RFPL1: variants seen among roughly 807,000 people sequenced by gnomAD.
The protein encoded by RFPL1 is ret finger protein like 1.
Under a neutral mutation model 9.6 loss-of-function variants are expected in RFPL1, and 6 were observed. The ratio of observed to expected loss-of-function variants is 0.62; its 90% confidence interval spans 0.34 to 1.23. The LOEUF (loss-of-function observed/expected upper bound fraction) is 1.23, where lower values mean the gene tolerates loss of function less well. RFPL1 is among the 50% of genes most tolerant of loss of function. RFPL1 has a pLI of 0.03. For missense variants in RFPL1, 352 were observed against 398.4 expected (o/e 0.88, Z 0.99); for synonymous variants, 145 against 149.4 (o/e 0.97, Z 0.22).
At chr22:29,391,755 C>A in the RFPL1 span, among the ~76,000 whole-genome samples, 1 of 152,176 alleles carries the variant, frequency 6.6e-6, no homozygotes, top group East Asian at 1.9e-4. Flanking sequence ...TGTGCCGAGG[C>A]AGGAAAACCT....
the RFPL1 span, among the ~76,000 whole-genome samples, chr22:29,410,430 G>GTAGATATATATATCTATATA: frequency 0.028 from 2,086 of 75,614 alleles, 95 homozygotes; most frequent in Non-Finnish European, 0.045. Context: ...TATATATATT[G>GTAGATATATATATCTATATA]TAGATATATA....
chr22:29,434,532 G>T, upstream of RFPL1: 1 of 156,114 alleles, frequency 6.4e-6, no homozygotes, highest in African/African-American at 2.4e-5. Flanking sequence ...GAACCGCACA[G>T]AGTATGCCGA....
At chr22:29,426,758 A>AG in the RFPL1 span, among the ~76,000 whole-genome samples, 3 of 152,044 alleles carry the variant, frequency 2.0e-5, no homozygotes, top group African/African-American at 7.2e-5. Context: ...AAAAAAAAAA[A>AG]GTTATTTGAT....
chr22:29,391,373 G>A, the RFPL1 span, among the ~76,000 whole-genome samples: 1 of 152,132 alleles, frequency 6.6e-6, no homozygotes, highest in African/African-American at 2.4e-5. Flanking sequence ...TTATGTGTAT[G>A]TATGTGCCAT....
the RFPL1 span, among the ~76,000 whole-genome samples, chr22:29,407,079 TTGTGTG>T: frequency 0.049 from 7,089 of 145,696 alleles, 190 homozygotes; most frequent in Non-Finnish European, 0.058. Flanking sequence ...AGTTGTTCTT[TTGTGTG>T]TGTGTGTGTG....
chr22:29,389,213 C>A, the RFPL1 span, among the ~76,000 whole-genome samples: 1 of 151,818 alleles, frequency 6.6e-6, no homozygotes, highest in Non-Finnish European at 1.5e-5. Context: ...TAGTTTGGAC[C>A]CCTCCATTCT....
chr22:29,401,832 A>G, the RFPL1 span, among the ~76,000 whole-genome samples: 1 of 152,136 alleles, frequency 6.6e-6, no homozygotes, highest in Non-Finnish European at 1.5e-5. Flanking sequence ...CCCAGCATCT[A>G]ATTTTGGGTC....
At chr22:29,437,633 G>T, upstream of RFPL1, 7 of 1,591,906 alleles carry the variant, frequency 4.4e-6, no homozygotes, top group Non-Finnish European at 6.0e-6. Flanking sequence ...TGGGAGGTGG[G>T]AATCTCACCA....
At chr22:29,423,943 G>A in the RFPL1 span, among the ~76,000 whole-genome samples, 1 of 152,274 alleles carries the variant, frequency 6.6e-6, no homozygotes, top group Non-Finnish European at 1.5e-5. Flanking sequence ...TATAGCTCAT[G>A]CCTGTAATCC....
the RFPL1 span, among the ~76,000 whole-genome samples, chr22:29,400,817 C>T: frequency 1.3e-5 from 2 of 152,200 alleles, no homozygotes; most frequent in Non-Finnish European, 1.5e-5. Context: ...GCAATGGCAT[C>T]TGTGGCTTTT....
chr22:29,435,664 C>A (rs1443936179), upstream of RFPL1, among the ~76,000 whole-genome samples: 1 of 152,066 alleles, frequency 6.6e-6, no homozygotes, highest in Non-Finnish European at 1.5e-5. Flanking sequence ...GATCTCATCC[C>A]ATTGTACATA....
chr22:29,420,890 C>CT, the RFPL1 span, among the ~76,000 whole-genome samples: 2,824 of 152,098 alleles, frequency 0.019, 28 homozygotes, highest in East Asian at 0.033. Flanking sequence ...ATCCACCTGC[C>CT]TTGGCCTCCC....
chr22:29,426,302 G>A, the RFPL1 span, among the ~76,000 whole-genome samples: 2 of 149,840 alleles, frequency 1.3e-5, no homozygotes, highest in African/African-American at 2.5e-5. Flanking sequence ...TAGCCTGGGC[G>A]ACAGAGCAAA....
chr22:29,400,968 G>A, the RFPL1 span, among the ~76,000 whole-genome samples: 2 of 152,204 alleles, frequency 1.3e-5, no homozygotes, highest in Non-Finnish European at 2.9e-5. Flanking sequence ...CACCAGATCA[G>A]CCATTGCTGA....
the RFPL1 span, among the ~76,000 whole-genome samples, chr22:29,417,962 G>T: frequency 1.4e-5 from 2 of 144,310 alleles, no homozygotes; most frequent in East Asian, 2.0e-4. Flanking sequence ...TTTTTTGAGA[G>T]GGAGTCTCGC....
chr22:29,442,372 T>C (rs2062845229), exon 2 of RFPL1: 2 of 334,296 alleles, frequency 6.0e-6, no homozygotes, highest in Admixed American at 8.9e-5. Flanking sequence ...TATTCTGGGA[T>C]CAATTTCCAA....
exon 2 of RFPL1, chr22:29,442,242 CATG>C: frequency 1.6e-6 from 1 of 640,034 alleles, no homozygotes; most frequent in Non-Finnish European, 2.5e-6. Context: ...TGGGACAATT[CATG>C]ATTATACTTA....
At chr22:29,392,687 T>C in the RFPL1 span, among the ~76,000 whole-genome samples, 2 of 151,928 alleles carry the variant, frequency 1.3e-5, no homozygotes, top group African/African-American at 2.4e-5. Flanking sequence ...CCAAGTAGAG[T>C]GTATTTAATC....
At chr22:29,397,965 A>AG in the RFPL1 span, among the ~76,000 whole-genome samples, 4 of 152,068 alleles carry the variant, frequency 2.6e-5, no homozygotes, top group African/African-American at 9.7e-5. Flanking sequence ...AATCCATGGA[A>AG]GGGGGGGTTG....
Sources: allele counts gnomAD v4.1 joint callset (sites outside exome capture counted in the v4.1 genomes callset), GRCh38; gene constraint gnomAD v4.1.1; transcripts MANE v1.5; gene names NCBI Gene and HGNC (gene_info 2026-07-23, HGNC 2026-07-21).